CTNND2: variants seen among roughly 807,000 people sequenced by gnomAD.
CTNND2 encodes catenin delta-2.
Under a neutral mutation model 144.4 loss-of-function variants are expected in CTNND2, and 22 were observed. The observed-to-expected ratio is 0.15, with a 90% CI of 0.11 to 0.22. The LOEUF is 0.22. CTNND2 is among the 10% of genes least tolerant of loss of function. CTNND2 has a pLI of 1.00. For synonymous variants in CTNND2, 751 were observed against 695.6 expected, an observed-to-expected ratio of 1.08 and a Z score of -1.25; for missense variants, 1,353 against 1,618.8, an observed-to-expected ratio of 0.84 and a Z score of 2.82.
chr5:11,616,798 C>A (rs966124807), intron 2 of CTNND2, among the ~76,000 whole-genome samples: 1 of 152,016 alleles, frequency 6.6e-6, no homozygotes, highest in Non-Finnish European at 1.5e-5. Flanking sequence ...GCAGAGACAG[C>A]GTTTCGCCAT....
chr5:11,637,943 C>T (rs1266736316), intron 2 of CTNND2, among the ~76,000 whole-genome samples: 3 of 152,110 alleles, frequency 2.0e-5, no homozygotes, highest in Non-Finnish European at 4.4e-5. Flanking sequence ...AAAACGAATA[C>T]CGTATCAGTC....
At chr5:11,187,248 T>C (rs1031828058) in intron 11 of CTNND2, among the ~76,000 whole-genome samples, 3 of 152,068 alleles carry the variant, frequency 2.0e-5, no homozygotes, top group African/African-American at 7.2e-5. Flanking sequence ...AAAGACTGTT[T>C]ATGAGAAACA....
chr5:11,284,160 TGGAGA>T (rs1420503050), intron 9 of CTNND2, among the ~76,000 whole-genome samples: 1 of 152,190 alleles, frequency 6.6e-6, no homozygotes, highest in Non-Finnish European at 1.5e-5. Context: ...TTCAGCCACA[TGGAGA>T]GCGTGAGGCA....
intron 3 of CTNND2, among the ~76,000 whole-genome samples, chr5:11,487,957 T>C (rs1002763982): frequency 3.9e-5 from 6 of 152,128 alleles, no homozygotes; most frequent in Admixed American, 2.0e-4. Flanking sequence ...GCAGCAGTGA[T>C]CTAACCTGCA....
chr5:11,501,832 T>C (rs1185663019), intron 3 of CTNND2, among the ~76,000 whole-genome samples: 1 of 146,584 alleles, frequency 6.8e-6, no homozygotes, highest in African/African-American at 2.7e-5. Flanking sequence ...CATGGTGAAA[T>C]CCCGGCTAAC....
At chr5:11,153,514 CAG>C (rs1202156684) in intron 12 of CTNND2, among the ~76,000 whole-genome samples, 3 of 152,066 alleles carry the variant, frequency 2.0e-5, no homozygotes, top group Non-Finnish European at 4.4e-5. Flanking sequence ...GCTTTGTAGC[CAG>C]AGTGTGATTA....
chr5:11,223,668 C>G (rs987814542), intron 10 of CTNND2, among the ~76,000 whole-genome samples: 1 of 152,120 alleles, frequency 6.6e-6, no homozygotes, highest in Non-Finnish European at 1.5e-5. Flanking sequence ...AGGAGAGGTG[C>G]TCATTTGGCA....
intron 2 of CTNND2, among the ~76,000 whole-genome samples, chr5:11,699,017 C>CAT (rs566414139): frequency 2.2e-4 from 32 of 142,570 alleles, no homozygotes; most frequent in African/African-American, 8.5e-4. Flanking sequence ...AACTATATAT[C>CAT]ATATATATAT....
At chr5:11,169,805 G>A (rs1186806234) in intron 11 of CTNND2, among the ~76,000 whole-genome samples, 2 of 152,062 alleles carry the variant, frequency 1.3e-5, no homozygotes, top group African/African-American at 4.8e-5. Context: ...ATGCACTGGG[G>A]CCACTTTAAA....
At chr5:11,068,980 GGTTATAGTAGCAAA>G (rs1747929708) in intron 16 of CTNND2, among the ~76,000 whole-genome samples, 1 of 152,192 alleles carries the variant, frequency 6.6e-6, no homozygotes, top group Admixed American at 6.5e-5. Context: ...CCGTTCTGGG[GGTTATAGTAGCAAA>G]GAAGGAAGAC....
rs192908201 is a variant in CTNND2, at chr5:11,407,583, G to A, written c.439+3953C>T. Among the ~76,000 whole-genome samples the A allele has an allele frequency of 4.8e-3, 731 of 152,248 alleles. 8 individuals carry two copies. The highest frequency in any genetic ancestry group is 0.017 in the African/African-American group (689 of 41,546). On this transcript the variant is annotated intron_variant, in intron 5 of 21. Transcript: ENST00000304623. Reference sequence around the variant, plus strand: ...AAATAAAACAAATTAAGAACTATGCGATCATGGGGTGAGACTGCTTTCCAT... The same window carrying A: ...AAATAAAACAAATTAAGAACTATGCAATCATGGGGTGAGACTGCTTTCCAT...
chr5:11,382,979 C>T (rs1758669932), intron 7 of CTNND2, among the ~76,000 whole-genome samples: 1 of 152,150 alleles, frequency 6.6e-6, no homozygotes, highest in Non-Finnish European at 1.5e-5. Flanking sequence ...ACTACCTCTT[C>T]TTAGATGCAA....
chr5:11,678,963 T>C (rs1784304947), intron 2 of CTNND2, among the ~76,000 whole-genome samples: 1 of 151,924 alleles, frequency 6.6e-6, no homozygotes, highest in Non-Finnish European at 1.5e-5. Context: ...ATACTTATTC[T>C]ACATGGTGCT....
intron 2 of CTNND2, among the ~76,000 whole-genome samples, chr5:11,689,250 T>G (rs1784789338): frequency 6.6e-6 from 1 of 152,206 alleles, no homozygotes; most frequent in Non-Finnish European, 1.5e-5. Flanking sequence ...GGATCTGGTT[T>G]CTTAATCTGC....
intron 3 of CTNND2, among the ~76,000 whole-genome samples, chr5:11,442,657 G>A (rs1334849966): frequency 6.6e-6 from 1 of 151,692 alleles, no homozygotes; most frequent in Non-Finnish European, 1.5e-5. Flanking sequence ...ATTGGATTCT[G>A]CTTTGAATCC....
At chr5:11,091,326 T>C (rs1242024235) in intron 15 of CTNND2, among the ~76,000 whole-genome samples, 1 of 152,224 alleles carries the variant, frequency 6.6e-6, no homozygotes, top group Non-Finnish European at 1.5e-5. Context: ...TTTCAGACTC[T>C]AGAGGTTTTA....
chr5:11,217,008 A>G lies in CTNND2; in HGVS notation c.1762-17347T>C, dbSNP rs531823178. On this transcript the variant is annotated intron_variant, in intron 10 of 21. Coordinates refer to ENST00000304623, the MANE Select transcript of CTNND2 (RefSeq NM_001332.4). ...GTCTGATAGGACCAAGGCAATCTCA[A>G]TGTGTGCTGTGCACACATTGCACTT... Among the ~76,000 whole-genome samples, 4 of 152,262 alleles carry G rather than the reference A, an allele frequency of 2.6e-5. No individual in the cohort carries two copies. The East Asian group carries it at 7.7e-4, about 29-fold the overall frequency.
intron 9 of CTNND2, among the ~76,000 whole-genome samples, chr5:11,307,110 T>A (rs1262003084): frequency 2.0e-5 from 3 of 152,152 alleles, no homozygotes; most frequent in East Asian, 3.8e-4. Context: ...AAAGCCTTTT[T>A]TTTTTTCTGA....
chr5:11,723,505 A>G (rs1428101080), intron 2 of CTNND2, among the ~76,000 whole-genome samples: 1 of 152,238 alleles, frequency 6.6e-6, no homozygotes, highest in Non-Finnish European at 1.5e-5. Flanking sequence ...CATATGATCA[A>G]TGTAACACTG....
Sources: gnomAD v4.1 joint callset for allele counts (sites outside exome capture counted in the v4.1 genomes callset) on GRCh38, gnomAD v4.1.1 for gene constraint, MANE v1.5 for transcripts, NCBI Gene and HGNC (gene_info 2026-07-23, HGNC 2026-07-21) for gene names.